Variants in C16orf95 observed in about 807,000 individuals in gnomAD.
The protein encoded by C16orf95 is uncharacterized protein C16orf95.
Under a neutral mutation model 32.1 loss-of-function variants are expected in C16orf95, and 41 were observed. The ratio of observed to expected loss-of-function variants is 1.28; its 90% CI spans 1.00 to 1.66. The LOEUF (loss-of-function observed/expected upper bound fraction) is 1.66. Ranked by LOEUF, C16orf95 falls within the 40% of genes most tolerant of loss-of-function variation. C16orf95 has a pLI of 0.00. For missense variants in C16orf95, 399 were observed against 325.9 expected, an observed-to-expected ratio of 1.22 and a Z score of -1.73; for synonymous variants, 147 against 128.9, an observed-to-expected ratio of 1.14 and a Z score of -0.95.
chr16:87,310,376 T>C (rs1167960240), intron 4 of C16orf95, 43 bp from the exon 5 acceptor site: 1 of 1,533,206 alleles, frequency 6.5e-7, no homozygotes, highest in Admixed American at 2.0e-5. Flanking sequence ...CTGGCGACCC[T>C]CCAAGGGGGA....
chr16:87,309,311 T>G (rs1472490350), intron 5 of C16orf95, among the ~76,000 whole-genome samples: 1 of 151,740 alleles, frequency 6.6e-6, no homozygotes, highest in African/African-American at 2.4e-5. Context: ...AAAAAAAAAC[T>G]GAAATCCATA....
At chr16:87,316,533 T>G (rs375665577) in intron 1 of C16orf95, among the ~76,000 whole-genome samples, 1 of 152,156 alleles carries the variant, frequency 6.6e-6, no homozygotes, top group Non-Finnish European at 1.5e-5. Context: ...GTGAGAGTAA[T>G]AGGTTCACGC....
chr16:87,306,803 A>T, intron 5 of C16orf95, among the ~76,000 whole-genome samples: 1 of 152,220 alleles, frequency 6.6e-6, no homozygotes, highest in East Asian at 1.9e-4. Flanking sequence ...GAGGCTTGAA[A>T]CATTACTTAT....
At position 87,311,136 on chromosome 16, in the gene C16orf95, C is replaced by CG; in HGVS notation, c.477+13dup. ...ACTCTTCAGTTCTCACTGCAGTGTGCGCCTCCTCCTTACCTGCTGCTGAGA... is the reference window on the plus strand; with the variant it reads ...ACTCTTCAGTTCTCACTGCAGTGTGCGGCCTCCTCCTTACCTGCTGCTGAGA... On this transcript the variant is annotated intron_variant, in intron 4 of 6. Coordinates refer to ENST00000567970, the MANE Select transcript of C16orf95 (RefSeq NM_001195124.3). 2 of 1,507,346 alleles carry CG rather than the reference C, an allele frequency of 1.3e-6. No individual in the cohort carries two copies. Among genetic ancestry groups the CG allele is most frequent in the Non-Finnish European group, 1.8e-6 (2 of 1,127,430 alleles). The allele number at this position is 1,507,346 out of a possible 1,614,324, so 93.4% of individuals were successfully genotyped here.
Position 87,305,892 on chromosome 16 carries a change from A to T in C16orf95, c.528T>A (p.Asp176Glu), listed in dbSNP as rs769820401. The change falls in exon 6 of 7, where the codon GAT (aspartate) becomes GAA (glutamate). Residue 176 changes from aspartate to glutamate, a missense_variant. Transcript: ENST00000567970. The surrounding 1 kb of genome is among the most constrained non-coding windows in gnomAD (Gnocchi z 4.2). ...GCCAGCAGTTGTGCCAGCAGCATGC[A>T]TCCAGCAGGGGTGCTAGGCAAAGAA... is the stretch of plus-strand genomic sequence containing the variant. ...SLKGIQAPLL[D>E]ACCWHNCWRI... The T allele has an allele frequency of 2.9e-5, 41 of 1,433,212 alleles. No individual in the cohort carries two copies. Among genetic ancestry groups the T allele is most frequent in the Non-Finnish European group, 3.6e-5 (40 of 1,097,286 alleles). 88.8% of individuals were successfully genotyped at this position (1,433,212 alleles called of 1,614,324 possible).
chr16:87,317,385 C>T lies in C16orf95; in HGVS notation c.-143G>A, dbSNP rs1176880728. ...CCCAACCTCAACCGCTCAGAGGAGCCCAACAACGCCCGCGCGCCCGCCCGT... is the reference window on the plus strand; with the variant it reads ...CCCAACCTCAACCGCTCAGAGGAGCTCAACAACGCCCGCGCGCCCGCCCGT... On this transcript the variant is annotated 5_prime_UTR_variant, in exon 1 of 7. Transcript: ENST00000567970. 7 of 1,397,744 alleles carry T rather than the reference C, an allele frequency of 5.0e-6. No homozygotes were observed. Among genetic ancestry groups the T allele is most frequent in the Non-Finnish European group, 6.5e-6 (7 of 1,080,216 alleles). 86.6% of individuals were successfully genotyped at this position (1,397,744 alleles called of 1,614,324 possible).
intron 5 of C16orf95, among the ~76,000 whole-genome samples, chr16:87,307,025 T>G (rs1415165526): frequency 4.6e-5 from 7 of 152,210 alleles, no homozygotes; most frequent in Middle Eastern, 6.8e-3. Flanking sequence ...AGTTGGTTGG[T>G]GATTATTTGT....
chr16:87,314,840 A>C (rs1893549664), intron 3 of C16orf95, 131 bp downstream of exon 3: 1 of 890,566 alleles, frequency 1.1e-6, no homozygotes, highest in African/African-American at 1.7e-5. Context: ...TAAATAAATA[A>C]ATAATATCAA....
rs1242761204 is a variant in C16orf95, at chr16:87,315,818, C to T, written c.158G>A (p.Ser53Asn). 3 of 1,529,684 alleles carry T rather than the reference C, an allele frequency of 2.0e-6. No individual in the cohort carries two copies. The Admixed American group carries it at 6.0e-5, about 31-fold the overall frequency. 94.8% of individuals were successfully genotyped at this position (1,529,684 alleles called of 1,614,324 possible). Residue 53 changes from serine (S) to asparagine (N), a missense_variant, in exon 2 of 7, where the codon AGC becomes AAC. Ser to Asn is a conservative substitution (Grantham distance 46). Coordinates refer to ENST00000567970, the MANE Select transcript of C16orf95 (RefSeq NM_001195124.3). ...LTPSAQDGRNSTFQTYKKEVC... is the reference protein window; with the variant it reads ...LTPSAQDGRNNTFQTYKKEVC... ...TTCTTTCTTGTAGGTTTGAAATGTG[C>T]TATTCCTAGAAGAGAAGAACAGAAA...
intron 5 of C16orf95, among the ~76,000 whole-genome samples, chr16:87,308,143 T>C (rs902360728): frequency 7.9e-5 from 12 of 152,052 alleles, no homozygotes; most frequent in African/African-American, 2.7e-4. Context: ...TTCCAGAGTG[T>C]TTTTCTGCTA....
chr16:87,305,666 T>G lies in C16orf95; in HGVS notation c.701+53A>C. On this transcript the variant is annotated intron_variant, in intron 6 of 6. Coordinates refer to ENST00000567970, the MANE Select transcript of C16orf95 (RefSeq NM_001195124.3). This position sits in a 1 kb window ranked among gnomAD's most constrained non-coding sequence, Gnocchi z 4.2. Reference sequence around the variant, plus strand: ...TGATGGCCACCAAGCCTCCCTCAGGTGGACGTCACCATGCCAGGGCCACCC... The same window carrying G: ...TGATGGCCACCAAGCCTCCCTCAGGGGGACGTCACCATGCCAGGGCCACCC... 1 of 1,424,742 alleles carries G rather than the reference T, an allele frequency of 7.0e-7. No homozygotes were observed. Among genetic ancestry groups the G allele is most frequent in the Non-Finnish European group, 9.2e-7 (1 of 1,086,552 alleles). 88.3% of individuals were successfully genotyped at this position (1,424,742 alleles called of 1,614,324 possible).
rs768488735 is a variant in C16orf95, at chr16:87,305,769, G to A, written c.651C>T (p.Leu217=). 6.6e-5 allele frequency: 100 copies of A among 1,519,048 alleles called. No individual in the cohort carries two copies. The highest frequency in any genetic ancestry group is 8.0e-5 in the Non-Finnish European group (91 of 1,138,724). The allele number at this position is 1,519,048 out of a possible 1,614,324, so 94.1% of individuals were successfully genotyped here. Residue 217 remains leucine (L), a synonymous_variant, in exon 6 of 7, where the codon CTC becomes CTT. Transcript: ENST00000567970. The surrounding 1 kb of genome is among the most constrained non-coding windows in gnomAD (Gnocchi z 4.2). The part of the protein sequence containing the change: ...LPAPAARLLP[L]GLLTLLQAIP... ...TGGCCTGGAGGAGGGTCAGGAGGCCGAGGGGCAGCAGACGCGCTGCAGGAG... is the reference window on the plus strand; with the variant it reads ...TGGCCTGGAGGAGGGTCAGGAGGCCAAGGGGCAGCAGACGCGCTGCAGGAG...
At chr16:87,315,449 C>A (rs900743674) in intron 2 of C16orf95, among the ~76,000 whole-genome samples, 1 of 152,230 alleles carries the variant, frequency 6.6e-6, no homozygotes, top group African/African-American at 2.4e-5. Context: ...CTGTCACACT[C>A]TGGTGTGCAA....
At position 87,302,893 on chromosome 16, in the gene C16orf95, C is replaced by T. The variant is rs1324788001; in HGVS notation, c.*164G>A. 1.4e-6 allele frequency: 1 copy of T among 719,696 alleles called. No homozygotes were observed. Among genetic ancestry groups the T allele is most frequent in the African/African-American group, 1.8e-5 (1 of 56,904 alleles). The allele number at this position is 719,696 out of a possible 1,614,324, so 44.6% of individuals were successfully genotyped here. A position where few individuals can be genotyped will look rare whatever the true frequency, so the allele number is the denominator to read the frequency against. On this transcript the variant is annotated 3_prime_UTR_variant, in exon 7 of 7. Transcript: ENST00000567970. The stretch of plus-strand genomic sequence containing the variant: ...ACATTCACATGAACTTTGCTACAAC[C>T]AAGAATCACCTGATGAGAAATCATT...
rs1567602553 is a variant in C16orf95, at chr16:87,305,502, G to GCCACCCCCACGAGGCCCCCA, written c.701+216_701+217insTGGGGGCCTCGTGGGGGTGG. On this transcript the variant is annotated intron_variant, in intron 6 of 6. Coordinates refer to ENST00000567970, the MANE Select transcript of C16orf95 (RefSeq NM_001195124.3). This position sits in a 1 kb window ranked among gnomAD's most constrained non-coding sequence, Gnocchi z 4.2. ...GGTGGAAGTGCCCCACGAGGCCCCC[G>GCCACCCCCACGAGGCCCCCA]CCGCCCCCAGGCTGCCCTGGCATCT... is the stretch of plus-strand genomic sequence containing the variant. Among the ~76,000 whole-genome samples the GCCACCCCCACGAGGCCCCCA allele has an allele frequency of 6.7e-5, 10 of 148,932 alleles. No homozygotes were observed. The highest frequency in any genetic ancestry group is 4.3e-4 in the South Asian group (2 of 4,658).
At chr16:87,314,608 AT>A (rs1308270991) in intron 3 of C16orf95, among the ~76,000 whole-genome samples, 1 of 152,178 alleles carries the variant, frequency 6.6e-6, no homozygotes, top group Admixed American at 6.5e-5. Flanking sequence ...TCAGGGGGGA[AT>A]ACCTACGGCA....
intron 3 of C16orf95, among the ~76,000 whole-genome samples, chr16:87,314,098 G>A (rs1911399608): frequency 6.6e-6 from 1 of 152,162 alleles, no homozygotes; most frequent in African/African-American, 2.4e-5. Context: ...GTGGAAAACA[G>A]TCAACAGGTT....
chr16:87,308,178 C>G (rs1258441973), intron 5 of C16orf95, among the ~76,000 whole-genome samples: 4 of 152,080 alleles, frequency 2.6e-5, no homozygotes, highest in Non-Finnish European at 5.9e-5. Context: ...TTCCTCAAAA[C>G]ACTCCCATAA....
intron 3 of C16orf95, among the ~76,000 whole-genome samples, chr16:87,311,559 G>A (rs566933058): frequency 6.6e-6 from 1 of 152,340 alleles, no homozygotes; most frequent in South Asian, 2.1e-4. Flanking sequence ...ATCTGCACCT[G>A]TGCCCTGGCG....
Sources: allele counts gnomAD v4.1 joint callset (sites outside exome capture counted in the v4.1 genomes callset), GRCh38; gene constraint gnomAD v4.1.1; non-coding constraint Gnocchi (gnomAD v3.1); transcripts MANE v1.5; gene names NCBI Gene and HGNC (gene_info 2026-07-23, HGNC 2026-07-21).